SDK1: variants seen among roughly 807,000 people sequenced by gnomAD.
SDK1 encodes sidekick cell adhesion molecule 1.
In SDK1, 157 loss-of-function variants were observed where a neutral mutation model predicts 245.5. The ratio of observed to expected loss-of-function variants is 0.64; its 90% CI spans 0.56 to 0.73. The LOEUF (loss-of-function observed/expected upper bound fraction) is 0.73, where lower values mean the gene tolerates loss of function less well. Ranked by LOEUF, SDK1 falls within the 30% of genes least tolerant of loss-of-function variation. SDK1 has a pLI of 0.00. For missense variants in SDK1, 3,583 were observed against 3,002.3 expected, an observed-to-expected ratio of 1.19 and a Z score of -4.52; for synonymous variants, 1,647 against 1,278.5, an observed-to-expected ratio of 1.29 and a Z score of -6.15.
intron 5 of SDK1, among the ~76,000 whole-genome samples, chr7:3,950,425 G>A (rs1022844443): frequency 2.6e-5 from 4 of 152,188 alleles, no homozygotes; most frequent in Non-Finnish European, 5.9e-5. Context: ...ACCATGGTCC[G>A]AAAATAGGAG....
At chr7:3,705,229 A>T (rs947090681) in intron 4 of SDK1, among the ~76,000 whole-genome samples, 1 of 151,828 alleles carries the variant, frequency 6.6e-6, no homozygotes, top group East Asian at 1.9e-4. Flanking sequence ...GTTAAAAATG[A>T]TATAGGTATT....
chr7:3,472,659 A>G (rs1781220566), intron 1 of SDK1, among the ~76,000 whole-genome samples: 2 of 152,362 alleles, frequency 1.3e-5, no homozygotes, highest in South Asian at 2.1e-4. Context: ...ACAAATCAGT[A>G]TCTCATTAAA....
chr7:3,522,988 T>A (rs188639773), intron 1 of SDK1, among the ~76,000 whole-genome samples: 163 of 29,644 alleles, frequency 5.5e-3, no homozygotes, highest in African/African-American at 0.024. Context: ...ATAAAAACCC[T>A]CTTCAAGACA....
intron 43 of SDK1, among the ~76,000 whole-genome samples, chr7:4,243,931 A>G (rs1214434099): frequency 6.6e-6 from 1 of 152,222 alleles, no homozygotes; most frequent in Non-Finnish European, 1.5e-5. Flanking sequence ...TTGTGCTTCC[A>G]ATTTCTTTTT....
chr7:3,317,575 T>TC (rs11402212), intron 1 of SDK1, among the ~76,000 whole-genome samples: 81,385 of 151,410 alleles, frequency 0.54, 21,892 homozygotes, highest in East Asian at 0.56. Context: ...TATTCCTCTC[T>TC]CCATTCATTG....
rs111949053 is a variant in SDK1, at chr7:3,953,349, C to T, written c.1150+1429C>T. 5.9e-3 allele frequency among the ~76,000 whole-genome samples: 898 copies of T among 152,276 alleles called. 12 individuals are homozygous for T. The highest frequency in any genetic ancestry group is 0.02 in the African/African-American group (846 of 41,556). ...AACCTGTCGGTCCCTCTGAAAGAAG[C>T]GAAAGTCTGTTAAAAGCATCCAAGG... On this transcript the variant is annotated intron_variant, in intron 7 of 44. Coordinates refer to ENST00000404826, the MANE Select transcript of SDK1 (RefSeq NM_152744.4).
chr7:3,503,013 ATAT>A (rs1276251712), intron 1 of SDK1, among the ~76,000 whole-genome samples: 3 of 152,200 alleles, frequency 2.0e-5, no homozygotes, highest in African/African-American at 7.2e-5. Context: ...GATGTTATTA[ATAT>A]TATGTACTAT....
At chr7:3,459,538 A>G (rs1780772404) in intron 1 of SDK1, among the ~76,000 whole-genome samples, 1 of 152,214 alleles carries the variant, frequency 6.6e-6, no homozygotes, top group Non-Finnish European at 1.5e-5. Flanking sequence ...TAGTTGAAGC[A>G]TCACTTTCCT....
intron 35 of SDK1, among the ~76,000 whole-genome samples, chr7:4,191,349 G>C (rs1025446356): frequency 6.6e-6 from 1 of 152,242 alleles, no homozygotes; most frequent in Non-Finnish European, 1.5e-5. Context: ...GGAGACCTTG[G>C]TGGCGGGCTG....
At chr7:3,972,429 C>T (rs747789648) in intron 12 of SDK1, among the ~76,000 whole-genome samples, 8 of 152,120 alleles carry the variant, frequency 5.3e-5, no homozygotes, top group African/African-American at 9.7e-5. Flanking sequence ...AAATTCGGGC[C>T]AGGAAAGTAA....
chr7:4,075,908 C>G (rs893546950), intron 20 of SDK1, among the ~76,000 whole-genome samples: 18 of 152,126 alleles, frequency 1.2e-4, no homozygotes, highest in Non-Finnish European at 2.9e-5. Context: ...CCGCCTTGGC[C>G]TCCCCAAGTG....
At chr7:4,154,802 G>A (rs1780620805) in intron 30 of SDK1, among the ~76,000 whole-genome samples, 2 of 152,154 alleles carry the variant, frequency 1.3e-5, no homozygotes, top group Admixed American at 1.3e-4. Context: ...CCAAAGCAGA[G>A]GTTTGGGCTG....
chr7:3,385,527 C>A (rs903253922), intron 1 of SDK1, among the ~76,000 whole-genome samples: 1 of 151,930 alleles, frequency 6.6e-6, no homozygotes, highest in African/African-American at 2.4e-5. Context: ...CCAGAATCTT[C>A]CTGGATTAGC....
chr7:3,923,405 C>T (rs1047454240), intron 5 of SDK1, among the ~76,000 whole-genome samples: 1 of 152,162 alleles, frequency 6.6e-6, no homozygotes, highest in African/African-American at 2.4e-5. Context: ...TGTTACGGGG[C>T]TAAAGGAATT....
intron 1 of SDK1, among the ~76,000 whole-genome samples, chr7:3,469,497 C>A (rs1383770838): frequency 1.3e-5 from 2 of 152,248 alleles, no homozygotes; most frequent in African/African-American, 2.4e-5. Flanking sequence ...GTGATGTACA[C>A]TTCTTTAGTA....
chr7:3,704,766 G>T (rs1784837115), intron 4 of SDK1, among the ~76,000 whole-genome samples: 1 of 151,888 alleles, frequency 6.6e-6, no homozygotes, highest in Non-Finnish European at 1.5e-5. Flanking sequence ...TCTTTTCCTA[G>T]GCCAATGTCC....
At chr7:3,875,517 G>A (rs969669922) in intron 5 of SDK1, among the ~76,000 whole-genome samples, 1 of 152,262 alleles carries the variant, frequency 6.6e-6, no homozygotes, top group Non-Finnish European at 1.5e-5. Context: ...ATGCAATCGT[G>A]TGTCAAGCTG....
intron 1 of SDK1, among the ~76,000 whole-genome samples, chr7:3,546,785 A>C (rs1204248258): frequency 6.6e-6 from 1 of 152,148 alleles, no homozygotes; most frequent in African/African-American, 2.4e-5. Context: ...ATATTAGTGC[A>C]TTTGGGTAGT....
chr7:3,944,046 A>G (rs1780478247), intron 5 of SDK1, among the ~76,000 whole-genome samples: 1 of 152,232 alleles, frequency 6.6e-6, no homozygotes, highest in African/African-American at 2.4e-5. Context: ...ACACTACTGT[A>G]AAGTCTCAAT....
Sources: allele counts gnomAD v4.1 joint callset (sites outside exome capture counted in the v4.1 genomes callset), GRCh38; gene constraint gnomAD v4.1.1; transcripts MANE v1.5; gene names NCBI Gene and HGNC (gene_info 2026-07-23, HGNC 2026-07-21).